The following RUSF1 variants were observed in gnomAD, a reference collection of about 807,000 sequenced individuals.
RUSF1 encodes the protein RUS family member 1, also known as RUS1 family protein C16orf58.
In RUSF1, 58 loss-of-function variants were observed where a neutral mutation model predicts 63.0. That is an observed-to-expected ratio of 0.92 (90% CI 0.75 to 1.15). The LOEUF (loss-of-function observed/expected upper bound fraction) is 1.15, where lower values mean the gene tolerates loss of function less well. Ranked by LOEUF, RUSF1 falls within the 50% of genes most tolerant of loss-of-function variation. The probability of loss-of-function intolerance (pLI) is 0.00; values close to 1 mark genes in which losing one functional copy is unlikely to be tolerated. For missense variants in RUSF1, 652 were observed against 611.0 expected (o/e 1.07, Z -0.71); for synonymous variants, 274 against 255.8 (o/e 1.07, Z -0.68).
intron 2 of RUSF1, among the ~76,000 whole-genome samples, chr16:31,502,178 G>A (rs2082636101): frequency 6.6e-6 from 1 of 152,178 alleles, no homozygotes; most frequent in Middle Eastern, 3.2e-3. Context: ...CTGAGCTTGA[G>A]GGCACTGACC....
At chr16:31,498,607 G>C (rs1381738878) in intron 5 of RUSF1, among the ~76,000 whole-genome samples, 1 of 152,180 alleles carries the variant, frequency 6.6e-6, no homozygotes, top group African/African-American at 2.4e-5. Context: ...GTCCTCATTT[G>C]GGTGAGATCA....
intron 2 of RUSF1, among the ~76,000 whole-genome samples, chr16:31,501,883 T>TA (rs528184718): frequency 1.6e-4 from 24 of 152,310 alleles, no homozygotes; most frequent in Middle Eastern, 3.4e-3. Context: ...GTTTTGGAAA[T>TA]AAAGTATTAC....
chr16:31,502,765 T>C (rs1415988444), intron 2 of RUSF1, among the ~76,000 whole-genome samples: 1 of 152,216 alleles, frequency 6.6e-6, no homozygotes, highest in East Asian at 1.9e-4. Flanking sequence ...CTCGGCAAAA[T>C]CATCATTGTG....
In RUSF1 at chr16:31,507,816, C is replaced by T; in HGVS notation, c.363G>A (p.Val121=). ...CTGAAACAGTGGCTTTTGCGTTCCC[C>T]ACCCCTATGCCCAGCAAGACTGCCT... is the stretch of plus-strand genomic sequence containing the variant. ...ATQAVLLGIG[V]GNAKATVSAA... The change falls in exon 2 of 13, where the codon GTG becomes GTA. Residue 121 remains valine (V), a synonymous_variant. Transcript: ENST00000327237. 1 of 1,579,452 alleles carries T rather than the reference C, an allele frequency of 6.3e-7. No individual in the cohort carries two copies. Among genetic ancestry groups the T allele is most frequent in the Non-Finnish European group, 8.6e-7 (1 of 1,162,216 alleles).
intron 9 of RUSF1, chr16:31,493,260 C>T (rs1392276071): frequency 1.1e-6 from 1 of 872,828 alleles, no homozygotes; most frequent in Non-Finnish European, 1.9e-6. Flanking sequence ...CCCATCCTTC[C>T]TTCACCCATC....
rs142905755 is a variant in RUSF1 at position 31,493,452 on chromosome 16, C to G, written c.1016+15G>C. On this transcript the variant is annotated intron_variant, in intron 9 of 12. Transcript: ENST00000327237. ...GGTGGCGGTGGTGACGAGCGGGAGA[C>G]GCTAGGCCACTCACCTGGAGACCAA... 1.9e-6 allele frequency: 3 copies of G among 1,589,318 alleles called. No homozygotes were observed. Among genetic ancestry groups the G allele is most frequent in the Admixed American group, 3.6e-5 (2 of 56,074 alleles).
intron 2 of RUSF1, among the ~76,000 whole-genome samples, chr16:31,505,061 A>C (rs2142661661): frequency 6.6e-6 from 1 of 152,250 alleles, no homozygotes; most frequent in Admixed American, 6.5e-5. Flanking sequence ...ACAGCCTGAG[A>C]TGTGGCCTCG....
rs2065592982 is a variant in RUSF1 at position 31,490,895 on chromosome 16, C to CT, written c.1346dup (p.Leu450AlafsTer5). 3 of 1,614,196 alleles carry CT rather than the reference C, an allele frequency of 1.9e-6. No homozygotes were observed. Among genetic ancestry groups the CT allele is most frequent in the Non-Finnish European group, 1.7e-6 (2 of 1,180,036 alleles). Reference sequence around the variant, plus strand: ...TGGCCCTCCACTCATCCACCTCTAGCTGGTGCTTCTCGGTCTTCCAGCCGG... The same window carrying CT: ...TGGCCCTCCACTCATCCACCTCTAGCTTGGTGCTTCTCGGTCTTCCAGCCGG... On this transcript the variant is annotated frameshift_variant, in exon 13 of 13. Coordinates refer to ENST00000327237, the MANE Select transcript of RUSF1 (RefSeq NM_022744.4). LOFTEE classifies it high-confidence loss of function.
At chr16:31,505,623 G>A (rs1399591542) in intron 2 of RUSF1, among the ~76,000 whole-genome samples, 3 of 152,142 alleles carry the variant, frequency 2.0e-5, no homozygotes, top group Non-Finnish European at 2.9e-5. Flanking sequence ...TAGACAGCAC[G>A]GTGAGGATGT....
chr16:31,508,319 C>A lies in RUSF1; in HGVS notation c.55G>T (p.Gly19Trp). The A allele has an allele frequency of 1.3e-6, 2 of 1,577,530 alleles. No homozygotes were observed. The highest frequency in any genetic ancestry group is 1.8e-5 in the Admixed American group (1 of 54,762). Residue 19 changes from glycine to tryptophan, a missense_variant, in exon 1 of 13, where the codon GGG (glycine) becomes TGG (tryptophan). Transcript: ENST00000327237. ...TPLCSEQFGS[G>W]EARGCRAAAD... ...GCGGCGCGGCAGCCCCGTGCCTCCC[C>A]GGAGCCGAACTGCTCGGAACACAGC...
At chr16:31,501,213 A>G (rs2082631318) in intron 2 of RUSF1, among the ~76,000 whole-genome samples, 1 of 152,216 alleles carries the variant, frequency 6.6e-6, no homozygotes, top group Non-Finnish European at 1.5e-5. Flanking sequence ...CTTAAGTGGA[A>G]ATTCAAAGGT....
At position 31,508,366 on chromosome 16, in the gene RUSF1, T is replaced by C; in HGVS notation, c.8A>G (p.Asp3Gly). The C allele has an allele frequency of 1.3e-6, 2 of 1,512,272 alleles. No individual in the cohort carries two copies. 93.7% of individuals were successfully genotyped at this position (1,512,272 alleles called of 1,614,324 possible). ...CAGCGGGGTCTCCAAACCCGCGTCG[T>C]CAGCCATGCCGAGCTTTTGGATCCC... MA[D>G]DAGLETPLCS... Residue 3 changes from aspartate to glycine, a missense_variant, in exon 1 of 13, where the codon GAC (aspartate) becomes GGC (glycine). Transcript: ENST00000327237.
chr16:31,497,845 T>A (rs1222280824), intron 5 of RUSF1, among the ~76,000 whole-genome samples: 1 of 152,228 alleles, frequency 6.6e-6, no homozygotes, highest in Non-Finnish European at 1.5e-5. Context: ...ACACGGAGCC[T>A]GGCAAGCCTG....
Position 31,508,099 on chromosome 16 carries a change from G to A in RUSF1, c.275C>T (p.Pro92Leu), listed in dbSNP as rs1480547167. The A allele has an allele frequency of 1.2e-6, 2 of 1,605,684 alleles. No individual in the cohort carries two copies. The highest frequency in any genetic ancestry group is 1.1e-5 in the South Asian group (1 of 89,502). Residue 92 changes from proline to leucine, a missense_variant, in exon 1 of 13, where the codon CCC becomes CTC. By Grantham distance (98) the Pro-to-Leu change is moderately conservative. Coordinates refer to ENST00000327237, the MANE Select transcript of RUSF1 (RefSeq NM_022744.4). Reference sequence around the variant, plus strand: ...CTGCACGGAATCCCACAGCTGGTAGGGCAAGTAGTCCGGGCTGACGCTATC... The same window carrying A: ...CTGCACGGAATCCCACAGCTGGTAGAGCAAGTAGTCCGGGCTGACGCTATC... ...FPDSVSPDYL[P>L]YQLWDSVQAF...
chr16:31,507,659 G>C lies in RUSF1; in HGVS notation c.415+105C>G, dbSNP rs968510973. The C allele has an allele frequency of 2.8e-6, 3 of 1,081,880 alleles. No individual in the cohort carries two copies. The African/African-American group carries it at 4.7e-5, about 17-fold the overall frequency. The allele number at this position is 1,081,880 out of a possible 1,614,324, so 67.0% of individuals were successfully genotyped here. A position where few individuals can be genotyped will look rare whatever the true frequency, so the allele number is the denominator to read the frequency against. On this transcript the variant is annotated intron_variant, in intron 2 of 12. Transcript: ENST00000327237. ...CTCTAATCACTGGGGAGACCTGCCT[G>C]AATTCTACCTAATGGGGCACGAGTC...
chr16:31,503,944 G>A (rs1460349226), intron 2 of RUSF1, among the ~76,000 whole-genome samples: 2 of 152,240 alleles, frequency 1.3e-5, no homozygotes, highest in Non-Finnish European at 2.9e-5. Context: ...TCATAGGCGT[G>A]AGCCACCGCA....
chr16:31,501,623 T>G (rs1032663580), intron 2 of RUSF1, among the ~76,000 whole-genome samples: 1 of 150,120 alleles, frequency 6.7e-6, no homozygotes, highest in Non-Finnish European at 1.5e-5. Flanking sequence ...AGATTTGAAC[T>G]GCAGCTGGGG....
chr16:31,496,031 T>C (rs897918945), intron 6 of RUSF1, among the ~76,000 whole-genome samples: 1 of 152,148 alleles, frequency 6.6e-6, no homozygotes, highest in Non-Finnish European at 1.5e-5. Flanking sequence ...GGGCCTTAAT[T>C]TCCTCATCTG....
Position 31,496,965 on chromosome 16 carries a change from A to AAGGGG in RUSF1, c.601-16_601-15insCCCCT, listed in dbSNP as rs764215107. ...CTCACGATGCACTGGGTGGGAGGGGAAGAGAGAAGGTTGGCAGAGACACGT... is the reference window on the plus strand; with the variant it reads ...CTCACGATGCACTGGGTGGGAGGGGAAGGGGAGAGAGAAGGTTGGCAGAGACACGT... On this transcript the variant is annotated splice_polypyrimidine_tract_variant and intron_variant, in intron 5 of 12. Transcript: ENST00000327237. 7 of 1,586,054 alleles carry AAGGGG rather than the reference A, an allele frequency of 4.4e-6. No homozygotes were observed. The highest frequency in any genetic ancestry group is 6.0e-6 in the Non-Finnish European group (7 of 1,166,848).
Sources: allele counts gnomAD v4.1 joint callset (sites outside exome capture counted in the v4.1 genomes callset), GRCh38; gene constraint gnomAD v4.1.1; transcripts MANE v1.5; gene names NCBI Gene and HGNC (gene_info 2026-07-23, HGNC 2026-07-21).